Variants in FANCC observed in about 807,000 individuals in gnomAD.
FANCC encodes the protein FA complementation group C.
Under a neutral mutation model 71.3 loss-of-function variants are expected in FANCC, and 55 were observed. That is an observed-to-expected ratio of 0.77 (90% confidence interval 0.62 to 0.97). The LOEUF (loss-of-function observed/expected upper bound fraction) is 0.97. FANCC is among the 50% of genes least tolerant of loss of function. The pLI is 0.00. For synonymous variants in FANCC, 275 were observed against 244.9 expected (o/e 1.12, Z -1.15); for missense variants, 678 against 670.9 (o/e 1.01, Z -0.12).
At chr9:95,139,005 A>T (rs989329324) in intron 7 of FANCC, among the ~76,000 whole-genome samples, 1 of 152,226 alleles carries the variant, frequency 6.6e-6, no homozygotes, top group Non-Finnish European at 1.5e-5. Context: ...CTAAAACCTC[A>T]GTGACTTAAC....
chr9:95,157,258 T>A (rs1200689217), intron 6 of FANCC, among the ~76,000 whole-genome samples: 1 of 152,196 alleles, frequency 6.6e-6, no homozygotes, highest in Non-Finnish European at 1.5e-5. Flanking sequence ...TAATTTCAGA[T>A]GCACAGATCG....
At chr9:95,185,267 G>A (rs189715337) in intron 4 of FANCC, among the ~76,000 whole-genome samples, 71 of 152,176 alleles carry the variant, frequency 4.7e-4, no homozygotes, top group Admixed American at 1.1e-3. Context: ...ATCTACAATC[G>A]AAATGCAGAA....
intron 11 of FANCC, among the ~76,000 whole-genome samples, chr9:95,115,221 CATTA>C (rs199997819): frequency 0.011 from 1,719 of 152,316 alleles, 30 homozygotes; most frequent in African/African-American, 0.039. Context: ...GAATTACAGG[CATTA>C]ATCACCACGC....
chr9:95,142,055 C>T (rs1360299776), intron 7 of FANCC, among the ~76,000 whole-genome samples: 3 of 131,394 alleles, frequency 2.3e-5, no homozygotes, highest in Non-Finnish European at 4.6e-5. Flanking sequence ...TGCAATGGCA[C>T]GATCTCGGCT....
chr9:95,114,365 C>A, intron 12 of FANCC: 1 of 499,204 alleles, frequency 2.0e-6, no homozygotes, highest in Non-Finnish European at 3.7e-6. Flanking sequence ...ATTTCAAAAT[C>A]TAAAACCAGA....
intron 4 of FANCC, among the ~76,000 whole-genome samples, chr9:95,201,001 C>T (rs527404549): frequency 6.6e-6 from 1 of 152,260 alleles, no homozygotes; most frequent in East Asian, 1.9e-4. Flanking sequence ...GAGCTGTAAA[C>T]TGTAGTACAT....
At chr9:95,119,306 T>A (rs2072680589) in intron 10 of FANCC, among the ~76,000 whole-genome samples, 1 of 152,172 alleles carries the variant, frequency 6.6e-6, no homozygotes, top group Non-Finnish European at 1.5e-5. Context: ...TATACATATA[T>A]TACAAATATT....
chr9:95,155,882 CT>C (rs1564703691), intron 6 of FANCC, among the ~76,000 whole-genome samples: 3 of 91,674 alleles, frequency 3.3e-5, no homozygotes, highest in African/African-American at 1.4e-4. Context: ...CCACATCTGG[CT>C]TTTTTTGGGT....
At chr9:95,117,424 C>T (rs1489600572) in intron 10 of FANCC, 34 bp from the exon 11 acceptor site, 1 of 1,586,976 alleles carries the variant, frequency 6.3e-7, no homozygotes, top group Non-Finnish European at 8.6e-7. Flanking sequence ...AGAGCATGAA[C>T]ATTAAGATTG....
chr9:95,100,744 C>G lies in FANCC; in HGVS notation c.*963G>C, dbSNP rs936463547. On this transcript the variant is annotated 3_prime_UTR_variant, in exon 15 of 15. Transcript: ENST00000289081. ...CTCCCGGGTTCAAGAGATCCTCATG[C>G]CTCAGCCTCTTGAATAGCTGGGATT... 3.1e-5 allele frequency: 7 copies of G among 226,550 alleles called. No homozygotes were observed. The highest frequency in any genetic ancestry group is 1.6e-4 in the African/African-American group (7 of 44,994). The allele number at this position is 226,550 out of a possible 1,614,324, so 14.0% of individuals were successfully genotyped here. A position where few individuals can be genotyped will look rare whatever the true frequency, so the allele number is the denominator to read the frequency against.
At chr9:95,301,210 T>C (rs1588439937) in intron 1 of FANCC, among the ~76,000 whole-genome samples, 2 of 133,332 alleles carry the variant, frequency 1.5e-5, no homozygotes, top group African/African-American at 3.0e-5. Context: ...ACACACAAAA[T>C]TGTTAAAGTA....
intron 6 of FANCC, among the ~76,000 whole-genome samples, chr9:95,161,828 GCTTCTTTT>G (rs951274701): frequency 7.4e-5 from 10 of 135,994 alleles, no homozygotes; most frequent in Non-Finnish European, 1.1e-4. Flanking sequence ...TCTACTTTCT[GCTTCTTTT>G]CTTTTCTTTT....
Position 95,100,716 on chromosome 9 carries a change from C to T in FANCC, c.*991G>A. The T allele has an allele frequency of 4.4e-6, 1 of 227,836 alleles. No individual in the cohort carries two copies. The highest frequency in any genetic ancestry group is 6.3e-5 in the East Asian group (1 of 15,912). 14.1% of individuals were successfully genotyped at this position (227,836 alleles called of 1,614,324 possible). On this transcript the variant is annotated 3_prime_UTR_variant, in exon 15 of 15. Coordinates refer to ENST00000289081, the MANE Select transcript of FANCC (RefSeq NM_000136.3). ...CATGATCTCGGCTCACTACAACTCC[C>T]ACCTCCCGGGTTCAAGAGATCCTCA...
intron 7 of FANCC, among the ~76,000 whole-genome samples, chr9:95,149,611 T>TGGGATTA (rs1241218571): frequency 6.6e-6 from 1 of 151,976 alleles, no homozygotes; most frequent in Non-Finnish European, 1.5e-5. Flanking sequence ...CCCTAGTAGC[T>TGGGATTA]GGGATTAGAG....
intron 3 of FANCC, among the ~76,000 whole-genome samples, chr9:95,243,628 C>CAAAA (rs61648861): frequency 7.3e-6 from 1 of 136,198 alleles, no homozygotes; most frequent in African/African-American, 2.7e-5. Context: ...ACTAAAAATA[C>CAAAA]AAAAAAAAAA....
At chr9:95,313,149 G>C (rs527271810) in intron 1 of FANCC, among the ~76,000 whole-genome samples, 1 of 152,164 alleles carries the variant, frequency 6.6e-6, no homozygotes, top group Admixed American at 6.5e-5. Flanking sequence ...CTGGAGACGT[G>C]CACACGCCTG....
chr9:95,125,792 CTG>C (rs1332444300), intron 9 of FANCC, among the ~76,000 whole-genome samples: 5 of 152,166 alleles, frequency 3.3e-5, no homozygotes, highest in Admixed American at 6.5e-5. Flanking sequence ...GCCTCTGCTG[CTG>C]TGTGTTAGGT....
chr9:95,219,113 G>A (rs1829064270), intron 4 of FANCC, among the ~76,000 whole-genome samples: 1 of 152,188 alleles, frequency 6.6e-6, no homozygotes, highest in South Asian at 2.1e-4. Flanking sequence ...GGATGGGAAT[G>A]CTGGGACACT....
intron 1 of FANCC, among the ~76,000 whole-genome samples, chr9:95,307,187 T>C (rs1010757824): frequency 8.5e-5 from 13 of 152,164 alleles, no homozygotes; most frequent in Non-Finnish European, 1.9e-4. Flanking sequence ...TTTTCTTTTT[T>C]TAAAATGCCT....
Sources: gnomAD v4.1 joint callset for allele counts (sites outside exome capture counted in the v4.1 genomes callset) on GRCh38, gnomAD v4.1.1 for gene constraint, MANE v1.5 for transcripts, NCBI Gene and HGNC (gene_info 2026-07-23, HGNC 2026-07-21) for gene names.